The following PHLDB2 variants were observed in gnomAD, a reference collection of about 807,000 sequenced individuals.
PHLDB2 encodes pleckstrin homology-like domain family B member 2.
A neutral mutation model predicts 123.6 loss-of-function variants in PHLDB2; 71 were observed. The ratio of observed to expected loss-of-function variants is 0.57; its 90% CI spans 0.47 to 0.70. The LOEUF is 0.70. PHLDB2 is among the 30% of genes least tolerant of loss of function. The probability of loss-of-function intolerance (pLI) is 0.00; values close to 1 mark genes in which losing one functional copy is unlikely to be tolerated. For missense variants in PHLDB2, 1,446 were observed against 1,519.5 expected, an observed-to-expected ratio of 0.95 and a Z score of 0.80; for synonymous variants, 547 against 541.6, an observed-to-expected ratio of 1.01 and a Z score of -0.14.
At chr3:111,758,354 C>T (rs1296974227) in intron 1 of PHLDB2, among the ~76,000 whole-genome samples, 2 of 152,218 alleles carry the variant, frequency 1.3e-5, no homozygotes, top group African/African-American at 2.4e-5. Context: ...AGTTTGATCT[C>T]AGACTGCTGT....
chr3:111,858,667 T>C (rs1356244103), upstream of PHLDB2, among the ~76,000 whole-genome samples: 2 of 152,172 alleles, frequency 1.3e-5, no homozygotes, highest in African/African-American at 4.8e-5. Context: ...ACCAGTATCA[T>C]TTATTGCTGC....
At chr3:111,928,840 C>T (rs1363925109) in intron 5 of PHLDB2, among the ~76,000 whole-genome samples, 1 of 152,202 alleles carries the variant, frequency 6.6e-6, no homozygotes, top group Non-Finnish European at 1.5e-5. Context: ...ACAGTGCTGT[C>T]TCTAGGAAAG....
chr3:111,732,553 C>T, exon 1 of PHLDB2: 2 of 1,397,332 alleles, frequency 1.4e-6, no homozygotes, highest in African/African-American at 1.4e-5. Flanking sequence ...AGGAACCTCA[C>T]CTTCATGCTT....
intron 1 of PHLDB2, among the ~76,000 whole-genome samples, chr3:111,745,268 A>G (rs953432595): frequency 5.3e-5 from 8 of 152,250 alleles, no homozygotes; most frequent in African/African-American, 1.9e-4. Flanking sequence ...GCAAAATGAC[A>G]TAGGTGGAAA....
At chr3:111,859,672 G>C (rs1164904230) in intron 1 of PHLDB2, 96 bp downstream of exon 1, 4 of 985,292 alleles carry the variant, frequency 4.1e-6, no homozygotes, top group Non-Finnish European at 2.4e-6. Context: ...CCGCGGCCGA[G>C]TTGGTTGCCG....
chr3:111,820,758 G>C (rs2062332572), intron 1 of PHLDB2, among the ~76,000 whole-genome samples: 1 of 152,222 alleles, frequency 6.6e-6, no homozygotes, highest in Non-Finnish European at 1.5e-5. Flanking sequence ...GTAAAGCAAA[G>C]AAGATAGGGC....
intron 1 of PHLDB2, among the ~76,000 whole-genome samples, chr3:111,810,104 C>T (rs1214318333): frequency 6.6e-6 from 1 of 152,114 alleles, no homozygotes; most frequent in Non-Finnish European, 1.5e-5. Context: ...ACCAGTAGGG[C>T]ATCACTCTAA....
At chr3:111,832,044 G>A (rs2063062080) in intron 1 of PHLDB2, among the ~76,000 whole-genome samples, 1 of 151,974 alleles carries the variant, frequency 6.6e-6, no homozygotes, top group South Asian at 2.1e-4. Context: ...TTTTGCCTTT[G>A]ACCCTCCAGT....
rs2060053046 is a variant in PHLDB2, at chr3:111,764,842, A to C, written c.-49+32139A>C. Among the ~76,000 whole-genome samples, 5 of 152,208 alleles carry C rather than the reference A, an allele frequency of 3.3e-5. No individual in the cohort carries two copies. In the South Asian group the frequency reaches 1.0e-3, roughly 32 times the overall value. ...TGCAGGAAACAAGGTCCACTGACAC[A>C]GACTTGGACTCTAACCTCTCTTCTT... On this transcript the variant is annotated intron_variant, in intron 1 of 17. Transcript: ENST00000393923.
intron 1 of PHLDB2, among the ~76,000 whole-genome samples, chr3:111,796,143 C>T (rs2061151540): frequency 6.6e-6 from 1 of 152,186 alleles, no homozygotes; most frequent in African/African-American, 2.4e-5. Context: ...AGGTGTCTGC[C>T]TGACTCGGCT....
chr3:111,884,701 C>G lies in PHLDB2; in HGVS notation c.624C>G (p.Ala208=). 6.2e-7 allele frequency: 1 copy of G among 1,614,120 alleles called. No individual in the cohort carries two copies. The highest frequency in any genetic ancestry group is 8.5e-7 in the Non-Finnish European group (1 of 1,180,028). Reference sequence around the variant, plus strand: ...GCATGCCTTCAAGCCCAAAGCAAGCCAGGAAAATGAGCATTCAGGACAGCC... The same window carrying G: ...GCATGCCTTCAAGCCCAAAGCAAGCGAGGAAAATGAGCATTCAGGACAGCC... ...AASMPSSPKQ[A]RKMSIQDSLA... The change falls in exon 2 of 18, where the codon GCC becomes GCG. Residue 208 remains alanine, a synonymous_variant. Transcript: ENST00000431670.
intron 2 of PHLDB2, among the ~76,000 whole-genome samples, chr3:111,891,269 G>A (rs1022821124): frequency 7.2e-5 from 11 of 152,162 alleles, no homozygotes; most frequent in African/African-American, 2.7e-4. Flanking sequence ...CAGAGCAGGA[G>A]GTGAGCGGTG....
At position 111,962,025 on chromosome 3, in the gene PHLDB2, G is replaced by A. The variant is rs762064745; in HGVS notation, c.2873-83G>A. 8.4e-6 allele frequency: 11 copies of A among 1,303,230 alleles called. No individual in the cohort carries two copies. The East Asian group carries it at 2.6e-4, about 31-fold the overall frequency. The allele number at this position is 1,303,230 out of a possible 1,614,324, so 80.7% of individuals were successfully genotyped here. On this transcript the variant is annotated intron_variant, in intron 12 of 17. Coordinates refer to ENST00000431670, the MANE Select transcript of PHLDB2 (RefSeq NM_001134438.2). ...CAAGCTTCATAGGCAGATGTTTCTG[G>A]TTGCTGGCTTGTGTCTGTAGATGTT... is the stretch of plus-strand genomic sequence containing the variant.
intron 1 of PHLDB2, among the ~76,000 whole-genome samples, chr3:111,836,261 A>G (rs979735797): frequency 2.8e-4 from 43 of 152,230 alleles, no homozygotes; most frequent in Non-Finnish European, 5.6e-4. Flanking sequence ...AACGGAAGTC[A>G]GGAATAAGAA....
At chr3:111,867,931 G>A (rs2065160885) in intron 1 of PHLDB2, among the ~76,000 whole-genome samples, 1 of 151,758 alleles carries the variant, frequency 6.6e-6, no homozygotes, top group African/African-American at 2.4e-5. Flanking sequence ...CGAATCCTGG[G>A]CTCCAGTGAT....
At chr3:111,832,517 G>A (rs866514525) in intron 1 of PHLDB2, among the ~76,000 whole-genome samples, 6 of 149,650 alleles carry the variant, frequency 4.0e-5, no homozygotes, top group African/African-American at 9.8e-5. Context: ...GTTATTTTCC[G>A]ACACTTAGGC....
intron 1 of PHLDB2, among the ~76,000 whole-genome samples, chr3:111,800,785 C>A (rs1355843625): frequency 6.6e-6 from 1 of 152,146 alleles, no homozygotes; most frequent in Non-Finnish European, 1.5e-5. Flanking sequence ...TTCATAAAAT[C>A]CAGTTTTATA....
intron 13 of PHLDB2, 89 bp from the exon 14 acceptor site, chr3:111,966,523 CT>C (rs2071774480): frequency 1.3e-5 from 6 of 468,854 alleles, no homozygotes; most frequent in Non-Finnish European, 2.1e-5. Context: ...GTGTGTGTGT[CT>C]GGGGTGTGTG....
intron 1 of PHLDB2, among the ~76,000 whole-genome samples, chr3:111,754,093 A>G (rs1308962590): frequency 6.6e-6 from 1 of 151,974 alleles, no homozygotes; most frequent in Non-Finnish European, 1.5e-5. Context: ...TGATGCCTCC[A>G]GCTTTGTTCT....
Sources: gnomAD v4.1 joint callset for allele counts (sites outside exome capture counted in the v4.1 genomes callset) on GRCh38, gnomAD v4.1.1 for gene constraint, MANE v1.5 for transcripts, NCBI Gene and HGNC (gene_info 2026-07-23, HGNC 2026-07-21) for gene names.